Variants in ARHGEF18 observed in about 807,000 individuals in gnomAD.
ARHGEF18 encodes Rho/Rac guanine nucleotide exchange factor 18.
ARHGEF18 carries 93 observed loss-of-function variants against 155.7 expected under a neutral mutation model. That is an observed-to-expected ratio of 0.60 (90% CI 0.50 to 0.71). The LOEUF (loss-of-function observed/expected upper bound fraction) is 0.71. Among genes scored for constraint, ARHGEF18 ranks in the 30% least tolerant of loss-of-function variants. The pLI is 0.00. For synonymous variants in ARHGEF18, 742 were observed against 753.1 expected (o/e 0.99, Z 0.24); for missense variants, 1,593 against 1,816.1 (o/e 0.88, Z 2.23).
intron 3 of ARHGEF18, among the ~76,000 whole-genome samples, chr19:7,374,675 C>T (rs564990923): frequency 5.1e-5 from 7 of 137,068 alleles, no homozygotes; most frequent in Non-Finnish European, 7.5e-5. Context: ...GAGACTCTGT[C>T]TCAAAAAAAA....
At chr19:7,446,338 C>T (rs1272845969) in intron 14 of ARHGEF18, among the ~76,000 whole-genome samples, 1 of 151,904 alleles carries the variant, frequency 6.6e-6, no homozygotes, top group Non-Finnish European at 1.5e-5. Context: ...CACCACTGCC[C>T]TCCAGCCTGA....
At chr19:7,402,151 T>G (rs531442412) in intron 10 of ARHGEF18, among the ~76,000 whole-genome samples, 60 of 152,304 alleles carry the variant, frequency 3.9e-4, no homozygotes, top group African/African-American at 1.4e-3. Flanking sequence ...CTGGGCGCAG[T>G]GGCTCATGCC....
chr19:7,459,984 G>A lies in ARHGEF18; in HGVS notation c.2442G>A (p.Arg814=), dbSNP rs879349876. ...KVVEARATRL[R]DFQERLSMKD... ...TCGAGGCCCGCGCCACGAGACTCCG[G>A]GACTTTCAAGGTGAGCGGGAGACAG... The change falls in exon 20 of 29, where the codon CGG becomes CGA. Residue 814 remains arginine (R), a synonymous_variant. Transcript: ENST00000668164. The A allele has an allele frequency of 1.3e-6, 2 of 1,577,828 alleles. No homozygotes were observed. The highest frequency in any genetic ancestry group is 1.7e-6 in the Non-Finnish European group (2 of 1,161,818).
chr19:7,421,753 C>T (rs895042361), intron 10 of ARHGEF18, among the ~76,000 whole-genome samples: 7 of 152,104 alleles, frequency 4.6e-5, no homozygotes, highest in African/African-American at 1.7e-4. Context: ...CAGAGTGACA[C>T]TCCGCCTCAA....
At chr19:7,360,031 G>A (rs538058144) in intron 1 of ARHGEF18, among the ~76,000 whole-genome samples, 16 of 151,978 alleles carry the variant, frequency 1.1e-4, no homozygotes, top group South Asian at 4.2e-4. Flanking sequence ...GGTACACATC[G>A]GTGGTCCCAG....
At chr19:7,376,609 T>G (rs1004807142) in intron 4 of ARHGEF18, 34 bp from the exon 5 acceptor site, 2 of 1,225,306 alleles carry the variant, frequency 1.6e-6, no homozygotes, top group Middle Eastern at 2.2e-4. Context: ...CCAGGCTGCC[T>G]TCCCAGCTTA....
At chr19:7,427,616 A>G (rs1248977709) in intron 10 of ARHGEF18, among the ~76,000 whole-genome samples, 1 of 149,626 alleles carries the variant, frequency 6.7e-6, no homozygotes, top group African/African-American at 2.5e-5. Context: ...CTGCACTCCA[A>G]CCTGGATGAC....
the ARHGEF18 span, among the ~76,000 whole-genome samples, chr19:7,478,157 G>A: frequency 6.6e-6 from 1 of 152,244 alleles, no homozygotes; most frequent in African/African-American, 2.4e-5. Context: ...TTCTCCATCT[G>A]TAAAAGGTAC....
intron 10 of ARHGEF18, among the ~76,000 whole-genome samples, chr19:7,432,461 C>T (rs1472598766): frequency 3.3e-5 from 5 of 152,146 alleles, no homozygotes; most frequent in Admixed American, 3.3e-4. Context: ...GTCTGGTTCA[C>T]TTGTTTCTTT....
At chr19:7,412,637 G>T (rs1045530674) in intron 10 of ARHGEF18, among the ~76,000 whole-genome samples, 3 of 151,578 alleles carry the variant, frequency 2.0e-5, no homozygotes, top group African/African-American at 7.3e-5. Context: ...AGCTACTCAG[G>T]AGGCTGAGGC....
chr19:7,450,920 C>A, intron 15 of ARHGEF18, among the ~76,000 whole-genome samples: 1 of 964 alleles, frequency 1.0e-3, no homozygotes, highest in Non-Finnish European at 2.3e-3. Flanking sequence ...GATGTTAATG[C>A]AGGATCTTGC....
intron 10 of ARHGEF18, among the ~76,000 whole-genome samples, chr19:7,424,988 G>A (rs555444852): frequency 4.3e-4 from 64 of 148,394 alleles, no homozygotes; most frequent in African/African-American, 1.2e-3. Context: ...GTGAGACTAC[G>A]TCTCGGGGAA....
rs375239593 is a variant in ARHGEF18, at chr19:7,440,073, G to T, written c.968-271G>T. The T allele has an allele frequency of 5.9e-5, 92 of 1,550,492 alleles. No individual in the cohort carries two copies. The African/African-American group carries it at 1.2e-3, about 20-fold the overall frequency. On this transcript the variant is annotated intron_variant, in intron 10 of 28. Transcript: ENST00000668164. The surrounding 1 kb of genome is among the most constrained non-coding windows in gnomAD (Gnocchi z 5.4). ...AAACGGCGCAGCCCAGCCTGGCGCC[G>T]CGCCGGGTCCCGGAGCCCCGGGCGC... is the stretch of plus-strand genomic sequence containing the variant.
chr19:7,412,706 C>T (rs550971137), intron 10 of ARHGEF18, among the ~76,000 whole-genome samples: 2 of 148,502 alleles, frequency 1.3e-5, no homozygotes, highest in East Asian at 4.0e-4. Context: ...CGAGCCACTG[C>T]ACTGGAGCCT....
At chr19:7,455,803 T>C (rs1242979472) in intron 17 of ARHGEF18, among the ~76,000 whole-genome samples, 1 of 152,154 alleles carries the variant, frequency 6.6e-6, no homozygotes, top group East Asian at 1.9e-4. Context: ...CTTACATGGA[T>C]GGCAGCAGGC....
At chr19:7,456,080 G>A (rs930360881) in intron 17 of ARHGEF18, among the ~76,000 whole-genome samples, 4 of 152,228 alleles carry the variant, frequency 2.6e-5, no homozygotes, top group African/African-American at 4.8e-5. Context: ...TGACATGGGC[G>A]GGAGCCCTGG....
At chr19:7,425,628 G>A (rs1014292034) in intron 10 of ARHGEF18, among the ~76,000 whole-genome samples, 4 of 150,694 alleles carry the variant, frequency 2.7e-5, no homozygotes, top group African/African-American at 7.4e-5. Context: ...GTTGCAGTGA[G>A]CTGAGATAGC....
chr19:7,433,507 CAAAAAAAAAAAAAAAA>C (rs35825715), intron 10 of ARHGEF18, among the ~76,000 whole-genome samples: 1 of 58,284 alleles, frequency 1.7e-5, no homozygotes, highest in Non-Finnish European at 3.0e-5. Flanking sequence ...ACTCCGTCTC[CAAAAAAAAAAAAAAAA>C]AAAAAAAAAG....
rs1977036598 is a variant in ARHGEF18, at chr19:7,471,822, A to G, written c.*1524A>G. 6.6e-6 allele frequency: 1 copy of G among 152,222 alleles called. No individual in the cohort carries two copies. Among genetic ancestry groups the G allele is most frequent in the Admixed American group, 6.5e-5 (1 of 15,278 alleles). The allele number at this position is 152,222 out of a possible 1,614,324, so 9.4% of individuals were successfully genotyped here. On this transcript the variant is annotated 3_prime_UTR_variant, in exon 29 of 29. Coordinates refer to ENST00000668164, the MANE Select transcript of ARHGEF18 (RefSeq NM_001367823.1). This position sits in a 1 kb window ranked among gnomAD's most constrained non-coding sequence, Gnocchi z 4.4. ...CCAGAGCCCCACAGCCATACAGCCCATTGGTGACAAGGTCCTGAGAACACA... is the reference window on the plus strand; with the variant it reads ...CCAGAGCCCCACAGCCATACAGCCCGTTGGTGACAAGGTCCTGAGAACACA...
Sources: gnomAD v4.1 joint callset for allele counts (sites outside exome capture counted in the v4.1 genomes callset) on GRCh38, gnomAD v4.1.1 for gene constraint, Gnocchi (gnomAD v3.1) non-coding constraint, MANE v1.5 for transcripts, NCBI Gene and HGNC (gene_info 2026-07-23, HGNC 2026-07-21) for gene names.